FHAD1: variants seen among roughly 807,000 people sequenced by gnomAD.
FHAD1 encodes the protein forkhead-associated domain-containing protein 1.
In FHAD1, 146 loss-of-function variants were observed where a neutral mutation model predicts 191.3. That is an observed-to-expected ratio of 0.76 (90% CI 0.67 to 0.88). The LOEUF (loss-of-function observed/expected upper bound fraction) is 0.88. Among genes scored for constraint, FHAD1 ranks in the 40% least tolerant of loss-of-function variants. The probability of loss-of-function intolerance (pLI) is 0.00; values close to 1 mark genes in which losing one functional copy is unlikely to be tolerated. For synonymous variants in FHAD1, 616 were observed against 672.3 expected, an observed-to-expected ratio of 0.92 and a Z score of 1.29; for missense variants, 1,635 against 1,785.8, an observed-to-expected ratio of 0.92 and a Z score of 1.52.
At chr1:15,272,868 C>T (rs1656698516) in intron 3 of FHAD1, among the ~76,000 whole-genome samples, 1 of 152,166 alleles carries the variant, frequency 6.6e-6, no homozygotes, top group Admixed American at 6.5e-5. Context: ...GGTAGATGAG[C>T]ACGCTGCTCC....
chr1:15,369,312 T>C (rs1183739638), intron 25 of FHAD1, 58 bp from the exon 26 acceptor site: 4 of 1,538,460 alleles, frequency 2.6e-6, no homozygotes, highest in Non-Finnish European at 2.6e-6. Flanking sequence ...TTCCAATGAG[T>C]GTAAAAGTAA....
rs761823036 is a variant in FHAD1 at position 15,352,981 on chromosome 1, A to G, written c.2559A>G (p.Lys853=). Residue 853 remains lysine, a synonymous_variant, in exon 20 of 34, where the codon AAA becomes AAG. Coordinates refer to ENST00000688493, the MANE Select transcript of FHAD1 (RefSeq NM_001391957.1). ...TGGAGAATCGCTTAACCAAGCAGAA[A>G]GAGGTATGAGCCGCAGGGAGGGAGA... ...QDLENRLTKQ[K]EELELKEQKE... is the part of the protein sequence containing the mutation. The G allele has an allele frequency of 6.5e-7, 1 of 1,550,102 alleles. No homozygotes were observed. Among genetic ancestry groups the G allele is most frequent in the South Asian group, 1.2e-5 (1 of 83,990 alleles).
chr1:15,383,628 G>GCT, intron 31 of FHAD1: 1 of 302,712 alleles, frequency 3.3e-6, no homozygotes, highest in South Asian at 3.1e-5. Context: ...CTTCACTCTT[G>GCT]CCTAAGGTGG....
chr1:15,304,583 T>TA (rs898515310), intron 6 of FHAD1, among the ~76,000 whole-genome samples: 35 of 151,954 alleles, frequency 2.3e-4, no homozygotes, highest in South Asian at 4.2e-4. Context: ...GTAACTTTTT[T>TA]AAAAAAAAAT....
rs968359985 is a variant in FHAD1 at position 15,382,879 on chromosome 1, C to T, written c.4188+686C>T. On this transcript the variant is annotated intron_variant, in intron 31 of 33. Coordinates refer to ENST00000688493, the MANE Select transcript of FHAD1 (RefSeq NM_001391957.1). ...GGGTGGACATTCCCGGCTGAAGGAG[C>T]CGCAGAGGAAAGGTGTGAGGATGAG... Among the ~76,000 whole-genome samples the T allele has an allele frequency of 2.0e-5, 3 of 152,176 alleles. No individual in the cohort carries two copies. The East Asian group carries it at 5.8e-4, about 29-fold the overall frequency.
intron 33 of FHAD1, among the ~76,000 whole-genome samples, chr1:15,395,269 C>G (rs991624110): frequency 6.9e-6 from 1 of 145,924 alleles, no homozygotes; most frequent in Non-Finnish European, 1.5e-5. Context: ...GATCACGCCA[C>G]TGCAGTCCAG....
intron 18 of FHAD1, among the ~76,000 whole-genome samples, chr1:15,346,663 T>A (rs757016992): frequency 4.6e-5 from 7 of 152,258 alleles, no homozygotes; most frequent in Non-Finnish European, 8.8e-5. Context: ...CATTTGTGGA[T>A]TCATGTTTAG....
rs1347733658 is a variant in FHAD1 at position 15,327,644 on chromosome 1, C to T, written c.1557+502C>T. The T allele has an allele frequency of 1.3e-5, 2 of 154,348 alleles. No individual in the cohort carries two copies. The highest frequency in any genetic ancestry group is 2.9e-5 in the Non-Finnish European group (2 of 69,698). 9.6% of individuals were successfully genotyped at this position (154,348 alleles called of 1,614,324 possible). On this transcript the variant is annotated intron_variant, in intron 12 of 33. Coordinates refer to ENST00000688493, the MANE Select transcript of FHAD1 (RefSeq NM_001391957.1). The surrounding 1 kb of genome is among the most constrained non-coding windows in gnomAD (Gnocchi z 5.1). ...GAGAACCTGACCTGCTGCTTATGAG[C>T]CCATAATATCAGGCTCAGTGTTCTG...
At position 15,283,833 on chromosome 1, in the gene FHAD1, A is replaced by G. The variant is rs1195406799; in HGVS notation, c.301-5566A>G. Among the ~76,000 whole-genome samples the G allele has an allele frequency of 2.0e-5, 3 of 152,370 alleles. No individual in the cohort carries two copies. In the East Asian group the frequency reaches 5.8e-4, roughly 29 times the overall value. The stretch of plus-strand genomic sequence containing the variant: ...CATGCACCATCTTGGGGATTTTCAC[A>G]CCATCTATTTCTCATTTTCATTTTT... On this transcript the variant is annotated intron_variant, in intron 3 of 33. Coordinates refer to ENST00000688493, the MANE Select transcript of FHAD1 (RefSeq NM_001391957.1).
At chr1:15,320,108 C>T (rs1675785393) in intron 10 of FHAD1, among the ~76,000 whole-genome samples, 1 of 152,054 alleles carries the variant, frequency 6.6e-6, no homozygotes, top group Admixed American at 6.6e-5. Context: ...CTTCTTTCAC[C>T]CATGGGTTAC....
Position 15,327,195 on chromosome 1 carries a change from T to C in FHAD1, c.1557+53T>C, listed in dbSNP as rs938640397. ...TCCTTCACTTTCCTCTTCTTCTTCTTCGTGGATCTGGATTCCAGACCCTGG... is the reference window on the plus strand; with the variant it reads ...TCCTTCACTTTCCTCTTCTTCTTCTCCGTGGATCTGGATTCCAGACCCTGG... On this transcript the variant is annotated intron_variant, in intron 12 of 33. Transcript: ENST00000688493. This position sits in a 1 kb window ranked among gnomAD's most constrained non-coding sequence, Gnocchi z 5.1. 32 of 1,251,768 alleles carry C rather than the reference T, an allele frequency of 2.6e-5. No homozygotes were observed. The East Asian group carries it at 6.4e-4, about 25-fold the overall frequency. 77.5% of individuals were successfully genotyped at this position (1,251,768 alleles called of 1,614,324 possible). A position where few individuals can be genotyped will look rare whatever the true frequency, so the allele number is the denominator to read the frequency against.
chr1:15,379,125 G>C (rs1481136670), intron 28 of FHAD1, among the ~76,000 whole-genome samples: 2 of 152,178 alleles, frequency 1.3e-5, no homozygotes, highest in African/African-American at 4.8e-5. Context: ...AGAAATAAGG[G>C]GGCCCGGGGA....
chr1:15,247,780 G>A (rs1253863316), intron 1 of FHAD1, among the ~76,000 whole-genome samples: 1 of 152,114 alleles, frequency 6.6e-6, no homozygotes, highest in Non-Finnish European at 1.5e-5. Flanking sequence ...CAACACTGAG[G>A]AATTTCTAGG....
chr1:15,321,876 A>T (rs891449336), intron 10 of FHAD1, among the ~76,000 whole-genome samples: 5 of 152,228 alleles, frequency 3.3e-5, no homozygotes, highest in Non-Finnish European at 7.3e-5. Flanking sequence ...TCCTTCATTC[A>T]TGAAACATAT....
At chr1:15,246,446 G>T (rs535446617), upstream of FHAD1, among the ~76,000 whole-genome samples, 10 of 97,976 alleles carry the variant, frequency 1.0e-4, no homozygotes, top group South Asian at 2.4e-3. Flanking sequence ...CACTCTCCAG[G>T]TAGAGTCAGC....
chr1:15,345,116 A>G lies in FHAD1; in HGVS notation c.2164A>G (p.Arg722Gly). ...GGAGTACATTACTCAAGAGAGAAAC[A>G]GAGCGAAAGAGACTTTAGAGGAAGA... ...LEEYITQERN[R>G]AKETLEEERK... The change falls in exon 17 of 34, where the codon AGA becomes GGA. Residue 722 changes from arginine to glycine, a missense_variant. Physicochemically the swap from Arg to Gly is moderately radical, Grantham distance 125. Transcript: ENST00000688493. The G allele has an allele frequency of 6.4e-7, 1 of 1,551,940 alleles. No individual in the cohort carries two copies. The highest frequency in any genetic ancestry group is 8.7e-7 in the Non-Finnish European group (1 of 1,147,028).
chr1:15,313,306 C>T (rs1672866524), intron 8 of FHAD1, 119 bp downstream of exon 8: 8 of 859,982 alleles, frequency 9.3e-6, no homozygotes, highest in Non-Finnish European at 1.3e-5. Context: ...ATTCCTTCCT[C>T]TCACACCATT....
At chr1:15,243,041 A>G (rs1645575549), upstream of FHAD1, among the ~76,000 whole-genome samples, 1 of 152,146 alleles carries the variant, frequency 6.6e-6, no homozygotes, top group Non-Finnish European at 1.5e-5. Flanking sequence ...GATGGTACAG[A>G]CAGACCCCCC....
intron 23 of FHAD1, among the ~76,000 whole-genome samples, chr1:15,364,776 C>G (rs575283093): frequency 6.6e-6 from 1 of 152,140 alleles, no homozygotes; most frequent in African/African-American, 2.4e-5. Flanking sequence ...GACCTATCTC[C>G]GCCAGGCTGC....
Sources: allele counts gnomAD v4.1 joint callset (sites outside exome capture counted in the v4.1 genomes callset), GRCh38; gene constraint gnomAD v4.1.1; non-coding constraint Gnocchi (gnomAD v3.1); transcripts MANE v1.5; gene names NCBI Gene and HGNC (gene_info 2026-07-23, HGNC 2026-07-21).